Variants in RAB7A observed in about 807,000 individuals in gnomAD.
RAB7A encodes the protein RAB7A, member RAS oncogene family.
In RAB7A, 2 loss-of-function variants were observed where a neutral mutation model predicts 24.5. The ratio of observed to expected loss-of-function variants is 0.08; its 90% CI spans 0.03 to 0.26. The LOEUF is 0.26. Ranked by LOEUF, RAB7A falls within the 10% of genes least tolerant of loss-of-function variation. The pLI is 1.00. For synonymous variants in RAB7A, 100 were observed against 95.9 expected (o/e 1.04, Z -0.25); for missense variants, 118 against 255.7 (o/e 0.46, Z 3.67).
intron 1 of RAB7A, among the ~76,000 whole-genome samples, chr3:128,771,051 C>G (rs73198828): frequency 6.6e-6 from 1 of 151,632 alleles, no homozygotes; most frequent in Non-Finnish European, 1.5e-5. Context: ...CTCACTGTAA[C>G]CCCCACTTCC....
chr3:128,760,688 G>C (rs1406192316), intron 1 of RAB7A, among the ~76,000 whole-genome samples: 1 of 152,192 alleles, frequency 6.6e-6, no homozygotes, highest in South Asian at 2.1e-4. Flanking sequence ...AGCCTGGAGT[G>C]TAAGGTGGTT....
intron 1 of RAB7A, among the ~76,000 whole-genome samples, chr3:128,766,318 A>G (rs1487497364): frequency 1.3e-5 from 2 of 151,374 alleles, no homozygotes; most frequent in Non-Finnish European, 3.0e-5. Context: ...GTAAGTTTCA[A>G]ACAGTGAAAC....
At chr3:128,761,274 C>A (rs1393375143) in intron 1 of RAB7A, among the ~76,000 whole-genome samples, 1 of 152,078 alleles carries the variant, frequency 6.6e-6, no homozygotes, top group East Asian at 1.9e-4. Context: ...ACCTCTAACC[C>A]CTTTTGTGTT....
chr3:128,770,222 C>T (rs961520972), intron 1 of RAB7A, among the ~76,000 whole-genome samples: 6 of 152,112 alleles, frequency 3.9e-5, no homozygotes, highest in Non-Finnish European at 7.4e-5. Flanking sequence ...AGGCTGGTTT[C>T]GAACTCCTGA....
chr3:128,793,678 T>C (rs1933509093), intron 1 of RAB7A, among the ~76,000 whole-genome samples: 1 of 152,174 alleles, frequency 6.6e-6, no homozygotes, highest in African/African-American at 2.4e-5. Flanking sequence ...AGGGGAATAG[T>C]GGGGCTCCAC....
chr3:128,813,843 G>C lies in RAB7A; in HGVS notation c.*421G>C, dbSNP rs1167481047. ...ATCTGATTTTTTTTATTGGTCTTGTGGTCTTTTTACCCCCCCTTTCCCCTC... is the reference window on the plus strand; with the variant it reads ...ATCTGATTTTTTTTATTGGTCTTGTCGTCTTTTTACCCCCCCTTTCCCCTC... On this transcript the variant is annotated 3_prime_UTR_variant, in exon 6 of 6. Transcript: ENST00000265062. 1 of 273,850 alleles carries C rather than the reference G, an allele frequency of 3.7e-6. No individual in the cohort carries two copies. The highest frequency in any genetic ancestry group is 9.2e-5 in the East Asian group (1 of 10,862). The allele number at this position is 273,850 out of a possible 1,614,324, so 17.0% of individuals were successfully genotyped here.
chr3:128,774,723 C>T (rs1045080293), intron 1 of RAB7A, among the ~76,000 whole-genome samples: 1 of 152,188 alleles, frequency 6.6e-6, no homozygotes, highest in African/African-American at 2.4e-5. Flanking sequence ...CAGGCGCCCG[C>T]CACCACGCCC....
chr3:128,765,811 G>T (rs889227864), intron 1 of RAB7A, among the ~76,000 whole-genome samples: 1 of 149,958 alleles, frequency 6.7e-6, no homozygotes, highest in Non-Finnish European at 1.5e-5. Context: ...GCCCAAGTTG[G>T]AGTACAATGG....
chr3:128,761,502 T>C (rs892737911), intron 1 of RAB7A, among the ~76,000 whole-genome samples: 1 of 152,208 alleles, frequency 6.6e-6, no homozygotes, highest in African/African-American at 2.4e-5. Context: ...TGGTCATCTT[T>C]GCATCTCTAG....
At chr3:128,805,117 TTTTGTTTG>T (rs113016574) in intron 3 of RAB7A, among the ~76,000 whole-genome samples, 1,830 of 152,078 alleles carry the variant, frequency 0.012, 33 homozygotes, top group African/African-American at 0.039. Context: ...CCAAGTGTTC[TTTTGTTTG>T]TTTGTTTGTT....
chr3:128,742,362 C>T (rs1175585811), intron 1 of RAB7A, among the ~76,000 whole-genome samples: 1 of 152,166 alleles, frequency 6.6e-6, no homozygotes, highest in Non-Finnish European at 1.5e-5. Context: ...AAGAACAAAG[C>T]TTCCACAGTG....
chr3:128,783,629 C>T (rs1245215977), intron 1 of RAB7A, among the ~76,000 whole-genome samples: 6 of 152,142 alleles, frequency 3.9e-5, no homozygotes, highest in East Asian at 1.9e-4. Context: ...TCTATGCCTT[C>T]GGGCCTTGTT....
At chr3:128,774,111 T>G (rs964859518) in intron 1 of RAB7A, among the ~76,000 whole-genome samples, 3 of 148,748 alleles carry the variant, frequency 2.0e-5, no homozygotes, top group Non-Finnish European at 4.5e-5. Flanking sequence ...AAAATTTTTT[T>G]AAATATAAGG....
chr3:128,794,594 C>CAAAT (rs1241889384), intron 1 of RAB7A, among the ~76,000 whole-genome samples: 2 of 150,696 alleles, frequency 1.3e-5, no homozygotes, highest in Non-Finnish European at 2.9e-5. Flanking sequence ...CATACCCTGG[C>CAAAT]AAATGAGAGG....
chr3:128,798,295 T>C (rs1403464541), intron 3 of RAB7A: 3 of 473,414 alleles, frequency 6.3e-6, no homozygotes, highest in South Asian at 2.4e-5. Flanking sequence ...CACTAAAAAA[T>C]TCTTCTTAAA....
chr3:128,794,158 C>T (rs73198856), intron 1 of RAB7A, among the ~76,000 whole-genome samples: 6,317 of 152,236 alleles, frequency 0.041, 179 homozygotes, highest in Non-Finnish European at 0.058. Context: ...GATTACCTTG[C>T]CTAGGAGCTG....
intron 1 of RAB7A, among the ~76,000 whole-genome samples, chr3:128,737,826 T>TTTG (rs1559779062): frequency 5.7e-5 from 2 of 35,334 alleles, no homozygotes; most frequent in African/African-American, 3.1e-4. Context: ...TTTTTTGTAG[T>TTTG]TTTTTTTTTT....
At chr3:128,768,456 A>G (rs2070853132) in intron 1 of RAB7A, among the ~76,000 whole-genome samples, 1 of 152,152 alleles carries the variant, frequency 6.6e-6, no homozygotes, top group South Asian at 2.1e-4. Context: ...TCGGAGGGGA[A>G]TGGTTGGGGC....
chr3:128,740,914 A>G (rs964218519), intron 1 of RAB7A, among the ~76,000 whole-genome samples: 1 of 135,162 alleles, frequency 7.4e-6, no homozygotes, highest in Non-Finnish European at 1.5e-5. Flanking sequence ...AAAAAAAAAA[A>G]AAAAAAAAAG....
Sources: gnomAD v4.1 joint callset for allele counts (sites outside exome capture counted in the v4.1 genomes callset) on GRCh38, gnomAD v4.1.1 for gene constraint, MANE v1.5 for transcripts, NCBI Gene and HGNC (gene_info 2026-07-23, HGNC 2026-07-21) for gene names.